RAB3IL1: variants seen among roughly 807,000 people sequenced by gnomAD.
RAB3IL1 encodes the protein RAB3A interacting protein like 1, also known as guanine nucleotide exchange factor for Rab-3A.
RAB3IL1 carries 37 observed loss-of-function variants against 49.2 expected under a neutral mutation model. The ratio of observed to expected loss-of-function variants is 0.75; its 90% CI spans 0.58 to 0.99. RAB3IL1 has a LOEUF of 0.99. Among genes scored for constraint, RAB3IL1 ranks in the 50% least tolerant of loss-of-function variants. RAB3IL1 has a pLI of 0.00. For missense variants in RAB3IL1, 484 were observed against 513.0 expected (o/e 0.94, Z 0.55); for synonymous variants, 193 against 213.9 (o/e 0.90, Z 0.85).
rs1440562044 is a variant in RAB3IL1 at position 61,907,398 on chromosome 11, C to T, written c.433G>A (p.Gly145Ser). The T allele has an allele frequency of 1.2e-6, 2 of 1,613,616 alleles. No individual in the cohort carries two copies. Among genetic ancestry groups the T allele is most frequent in the South Asian group, 2.2e-5 (2 of 91,020 alleles). Reference sequence around the variant, plus strand: ...CAGGCGGGGATGGGCCTCACCTTGCCCCGAGCCTCCTTCAGCTGCTTTTCT... The same window carrying T: ...CAGGCGGGGATGGGCCTCACCTTGCTCCGAGCCTCCTTCAGCTGCTTTTCT... ...ASEKQLKEAR[G>S]KIDMLQAEVT... is the part of the protein sequence containing the mutation. Residue 145 changes from glycine (G) to serine (S), a missense_variant, in exon 4 of 10, where the codon GGC becomes AGC. By Grantham distance (56) the Gly-to-Ser change is moderately conservative. Coordinates refer to ENST00000394836, the MANE Select transcript of RAB3IL1 (RefSeq NM_013401.4).
In RAB3IL1 at chr11:61,906,574, G is replaced by A. The variant is rs781215692; in HGVS notation, c.549C>T (p.Ala183=). ...LHPQLLSPTK[A]GPRKGHSRHK... Reference sequence around the variant, plus strand: ...GGCGAGAGTGGCCCTTTCGGGGCCCGGCCTTGGTGGGGCTCAGCAGCTGGG... The same window carrying A: ...GGCGAGAGTGGCCCTTTCGGGGCCCAGCCTTGGTGGGGCTCAGCAGCTGGG... The change falls in exon 5 of 10, where the codon GCC becomes GCT. Residue 183 remains alanine, a synonymous_variant. Transcript: ENST00000394836. This position sits in a 1 kb window ranked among gnomAD's most constrained non-coding sequence, Gnocchi z 4.6. 8.7e-6 allele frequency: 14 copies of A among 1,603,220 alleles called. No homozygotes were observed. Among genetic ancestry groups the A allele is most frequent in the Non-Finnish European group, 1.2e-5 (14 of 1,175,290 alleles).
the RAB3IL1 span, among the ~76,000 whole-genome samples, chr11:61,925,849 G>T: frequency 6.6e-6 from 1 of 152,148 alleles, no homozygotes; most frequent in Admixed American, 6.5e-5. Flanking sequence ...GCGAGTTAAA[G>T]AATTTGGACT....
At chr11:61,929,884 CTTTTTTTTTT>C in the RAB3IL1 span, among the ~76,000 whole-genome samples, 1 of 66,380 alleles carries the variant, frequency 1.5e-5, no homozygotes, top group Non-Finnish European at 2.6e-5. Context: ...CCGCGCCCGG[CTTTTTTTTTT>C]TTTTTTTTTT....
At chr11:61,919,186 G>C (rs1396438035), upstream of RAB3IL1, among the ~76,000 whole-genome samples, 1 of 152,220 alleles carries the variant, frequency 6.6e-6, no homozygotes, top group East Asian at 1.9e-4. Context: ...TGGCAACCCA[G>C]ACCAGTGGGA....
upstream of RAB3IL1, chr11:61,920,394 A>T (rs1230532560): frequency 4.9e-6 from 3 of 609,068 alleles, no homozygotes; most frequent in African/African-American, 3.8e-5. Context: ...CTCCTCAGGC[A>T]GCAGAAGACA....
chr11:61,919,630 TAG>T (rs1352545959), upstream of RAB3IL1, among the ~76,000 whole-genome samples: 20 of 152,130 alleles, frequency 1.3e-4, no homozygotes, highest in Non-Finnish European at 2.9e-5. Flanking sequence ...GAGCACATGC[TAG>T]GTGTCTGGCC....
At chr11:61,917,605 C>G, upstream of RAB3IL1, 1 of 1,037,520 alleles carries the variant, frequency 9.6e-7, no homozygotes, top group African/African-American at 1.7e-5. Context: ...ACGTGCCCGG[C>G]CCCGCCCCTC....
intron 2 of RAB3IL1, 76 bp from the exon 3 acceptor site, chr11:61,907,736 C>A: frequency 7.5e-7 from 1 of 1,333,484 alleles, no homozygotes; most frequent in South Asian, 1.2e-5. Flanking sequence ...GCCCACCGGA[C>A]CAGGTTCCAT....
At chr11:61,934,450 G>GTGTATGTATGTATATATGTATATATA in the RAB3IL1 span, among the ~76,000 whole-genome samples, 1 of 31,618 alleles carries the variant, frequency 3.2e-5, no homozygotes, top group African/African-American at 9.1e-5. Context: ...GTGTGTGTAT[G>GTGTATGTATGTATATATGTATATATA]TATATATATA....
chr11:61,941,952 T>C, the RAB3IL1 span, among the ~76,000 whole-genome samples: 1 of 152,164 alleles, frequency 6.6e-6, no homozygotes, highest in Non-Finnish European at 1.5e-5. Context: ...GGCTCATGCC[T>C]ATAATCTTAG....
the RAB3IL1 span, among the ~76,000 whole-genome samples, chr11:61,930,396 G>T: frequency 2.0e-5 from 3 of 152,104 alleles, no homozygotes; most frequent in South Asian, 6.2e-4. Context: ...TTTTTAAAAA[G>T]GCATATTTGA....
chr11:61,920,118 C>T, upstream of RAB3IL1: 10 of 1,353,806 alleles, frequency 7.4e-6, no homozygotes, highest in Non-Finnish European at 9.6e-6. Context: ...AGCGGACAGT[C>T]CCTGCACTCA....
At chr11:61,937,497 G>A in the RAB3IL1 span, among the ~76,000 whole-genome samples, 3 of 151,752 alleles carry the variant, frequency 2.0e-5, no homozygotes, top group Non-Finnish European at 2.9e-5. Context: ...GGCTAGATAC[G>A]GGGTCTTTCT....
At chr11:61,914,494 T>C (rs1177102128) in intron 1 of RAB3IL1, among the ~76,000 whole-genome samples, 1 of 152,200 alleles carries the variant, frequency 6.6e-6, no homozygotes, top group Non-Finnish European at 1.5e-5. Flanking sequence ...CCTCACCTCG[T>C]CACCTTGGAG....
At chr11:61,934,213 A>G in the RAB3IL1 span, among the ~76,000 whole-genome samples, 2 of 151,120 alleles carry the variant, frequency 1.3e-5, no homozygotes, top group South Asian at 4.2e-4. Context: ...GCACAATCCT[A>G]GCTCACTGCA....
the RAB3IL1 span, among the ~76,000 whole-genome samples, chr11:61,930,206 T>A: frequency 6.6e-6 from 1 of 152,208 alleles, no homozygotes; most frequent in Non-Finnish European, 1.5e-5. Context: ...AAGCATAGAC[T>A]TATAAGGTCT....
intron 1 of RAB3IL1, among the ~76,000 whole-genome samples, chr11:61,915,299 G>A (rs559909503): frequency 6.6e-6 from 1 of 152,212 alleles, no homozygotes; most frequent in African/African-American, 2.4e-5. Context: ...ATATGGCAGG[G>A]GGGCTGGATG....
At chr11:61,941,798 T>A in the RAB3IL1 span, among the ~76,000 whole-genome samples, 1 of 152,074 alleles carries the variant, frequency 6.6e-6, no homozygotes, top group African/African-American at 2.4e-5. Flanking sequence ...TGAATATAGA[T>A]GCAAATATCC....
chr11:61,911,726 A>AG (rs1230547207), intron 1 of RAB3IL1, among the ~76,000 whole-genome samples: 1 of 152,162 alleles, frequency 6.6e-6, no homozygotes, highest in Non-Finnish European at 1.5e-5. Flanking sequence ...AGAGGGTAGG[A>AG]GTCAAGGTCA....
Sources: gnomAD v4.1 joint callset for allele counts (sites outside exome capture counted in the v4.1 genomes callset) on GRCh38, gnomAD v4.1.1 for gene constraint, Gnocchi (gnomAD v3.1) non-coding constraint, MANE v1.5 for transcripts, NCBI Gene and HGNC (gene_info 2026-07-23, HGNC 2026-07-21) for gene names.